Variants in NOTUM observed in about 807,000 individuals in gnomAD.
The protein encoded by NOTUM is palmitoleoyl-protein carboxylesterase NOTUM.
A neutral mutation model predicts 65.5 loss-of-function variants in NOTUM; 36 were observed. The observed-to-expected ratio is 0.55, with a 90% CI of 0.42 to 0.73. The LOEUF is 0.73. NOTUM is among the 30% of genes least tolerant of loss of function. The pLI is 0.00. For synonymous variants in NOTUM, 356 were observed against 297.9 expected (o/e 1.20, Z -2.01); for missense variants, 659 against 694.2 (o/e 0.95, Z 0.57).
intron 8 of NOTUM, among the ~76,000 whole-genome samples, chr17:81,955,899 C>T (rs952325247): frequency 6.8e-6 from 1 of 147,762 alleles, no homozygotes; most frequent in Non-Finnish European, 1.5e-5. Flanking sequence ...CAGAGCTCAG[C>T]ACCCCCAGGT....
intron 1 of NOTUM, 161 bp from the exon 2 acceptor site, chr17:81,959,853 G>T: frequency 3.8e-6 from 1 of 261,804 alleles, no homozygotes; most frequent in Non-Finnish European, 7.0e-6. Context: ...CAGGGACGGC[G>T]GCGGTCCCGG....
chr17:81,959,410 G>T, intron 3 of NOTUM, 61 bp downstream of exon 3: 2 of 1,302,304 alleles, frequency 1.5e-6, no homozygotes, highest in Non-Finnish European at 1.1e-6. Flanking sequence ...GCTCCAGGAG[G>T]CGGGCGCGGC....
chr17:81,959,611 G>C, intron 2 of NOTUM, 29 bp downstream of exon 2: 5 of 1,545,468 alleles, frequency 3.2e-6, no homozygotes, highest in Non-Finnish European at 4.4e-6. Context: ...CAGACCCCCG[G>C]CCTCCCCCCG....
At chr17:81,959,283 G>C (rs1354618350) in intron 3 of NOTUM, 188 bp downstream of exon 3, 1 of 614,982 alleles carries the variant, frequency 1.6e-6, no homozygotes, top group Non-Finnish European at 2.9e-6. Context: ...CGCTGGGTAA[G>C]CGCCTGAATG....
chr17:81,953,800 A>T (rs1218788634), intron 10 of NOTUM, among the ~76,000 whole-genome samples: 12 of 135,226 alleles, frequency 8.9e-5, no homozygotes, highest in East Asian at 2.3e-4. Context: ...TTTTTTTGAG[A>T]TGGAGTTTCA....
rs999009779 is a variant in NOTUM at position 81,960,947 on chromosome 17, C to A, written c.-38G>T. On this transcript the variant is annotated 5_prime_UTR_variant, in exon 1 of 11. Transcript: ENST00000409678. This position sits in a 1 kb window ranked among gnomAD's most constrained non-coding sequence, Gnocchi z 6.4. ...CTGCGGGGAGCGGGCGGCCTTGAGG[C>A]GGCGGCGGCGGCGGCGGGGGATGCC... is the stretch of plus-strand genomic sequence containing the variant. 2.9e-6 allele frequency: 3 copies of A among 1,025,454 alleles called. No homozygotes were observed. Among genetic ancestry groups the A allele is most frequent in the Non-Finnish European group, 3.6e-6 (3 of 822,736 alleles). 63.5% of individuals were successfully genotyped at this position (1,025,454 alleles called of 1,614,324 possible).
Position 81,960,576 on chromosome 17 carries a change from G to A in NOTUM, c.323+11C>T, listed in dbSNP as rs1567940043. ...CGGGCGGGGCGGGGAGGTGCAGGGC[G>A]CGGGCCTTACCCGGCGGGGCTGCCG... is the stretch of plus-strand genomic sequence containing the variant. On this transcript the variant is annotated intron_variant, in intron 1 of 10. Coordinates refer to ENST00000409678, the MANE Select transcript of NOTUM (RefSeq NM_178493.6). This position sits in a 1 kb window ranked among gnomAD's most constrained non-coding sequence, Gnocchi z 6.4. The A allele has an allele frequency of 4.7e-6, 7 of 1,478,904 alleles. No homozygotes were observed. Among genetic ancestry groups the A allele is most frequent in the Non-Finnish European group, 5.5e-6 (6 of 1,100,770 alleles). The allele number at this position is 1,478,904 out of a possible 1,614,324, so 91.6% of individuals were successfully genotyped here.
Position 81,956,957 on chromosome 17 carries a change from G to C in NOTUM, c.813C>G (p.Asn271Lys). 6.2e-7 allele frequency: 1 copy of C among 1,613,424 alleles called. No homozygotes were observed. The highest frequency in any genetic ancestry group is 1.3e-5 in the African/African-American group (1 of 75,044). The change falls in exon 7 of 11, where the codon AAC (asparagine) becomes AAG (lysine). Residue 271 changes from asparagine (N) to lysine (K), a missense_variant. Coordinates refer to ENST00000409678, the MANE Select transcript of NOTUM (RefSeq NM_178493.6). ...GLADSGWFLD[N>K]KQYRHTDCVD... Reference sequence around the variant, plus strand: ...CGCAGTCTGTGTGGCGATACTGCTTGTTGTCCAGGAACCAGCCGGAGTCAG... The same window carrying C: ...CGCAGTCTGTGTGGCGATACTGCTTCTTGTCCAGGAACCAGCCGGAGTCAG...
At position 81,952,950 on chromosome 17, in the gene NOTUM, A is replaced by C. The variant is rs559842685; in HGVS notation, c.*11T>G. On this transcript the variant is annotated 3_prime_UTR_variant, in exon 11 of 11. Transcript: ENST00000409678. The stretch of plus-strand genomic sequence containing the variant: ...GCCCCTCAGTGCCGGCTCCTCCTCC[A>C]GACAGTCTGCCTAGCTTCCGTTGCT... The C allele has an allele frequency of 1.9e-6, 3 of 1,612,010 alleles. No individual in the cohort carries two copies. The highest frequency in any genetic ancestry group is 2.2e-5 in the South Asian group (2 of 90,882).
intron 10 of NOTUM, among the ~76,000 whole-genome samples, 183 bp from the exon 11 acceptor site, chr17:81,953,450 C>T (rs545314668): frequency 4.0e-5 from 6 of 149,164 alleles, no homozygotes; most frequent in African/African-American, 1.5e-4. Flanking sequence ...CGTGTGCCAC[C>T]GAGACTGGCT....
rs2041472924 is a variant in NOTUM at position 81,960,980 on chromosome 17, G to C, written c.-71C>G. 8 of 857,548 alleles carry C rather than the reference G, an allele frequency of 9.3e-6. No individual in the cohort carries two copies. The highest frequency in any genetic ancestry group is 1.2e-5 in the Non-Finnish European group (8 of 674,536). 53.1% of individuals were successfully genotyped at this position (857,548 alleles called of 1,614,324 possible). On this transcript the variant is annotated 5_prime_UTR_variant, in exon 1 of 11. Coordinates refer to ENST00000409678, the MANE Select transcript of NOTUM (RefSeq NM_178493.6). The surrounding 1 kb of genome is among the most constrained non-coding windows in gnomAD (Gnocchi z 6.4). ...GCGGCGGCGGGGGATGCCGGGCCGG[G>C]GGTGCCGGGCCGGGGGTGTCGGGGG...
At chr17:81,957,940 G>C (rs376866406) in intron 5 of NOTUM, 32 bp from the exon 6 acceptor site, 2 of 1,492,444 alleles carry the variant, frequency 1.3e-6, no homozygotes, top group Non-Finnish European at 1.8e-6. Flanking sequence ...CTCAGGTAGG[G>C]GCCTGGACAG....
In NOTUM at chr17:81,960,534, C is replaced by T; in HGVS notation, c.323+53G>A. 2.3e-6 allele frequency: 3 copies of T among 1,296,266 alleles called. No homozygotes were observed. Among genetic ancestry groups the T allele is most frequent in the Non-Finnish European group, 3.1e-6 (3 of 966,714 alleles). 80.3% of individuals were successfully genotyped at this position (1,296,266 alleles called of 1,614,324 possible). The stretch of plus-strand genomic sequence containing the variant: ...GCCGCGGCCCGCAGGGAAGGTCCAG[C>T]CGGAGACCGGGCGCGTCGGGCGGGG... On this transcript the variant is annotated intron_variant, in intron 1 of 10. Coordinates refer to ENST00000409678, the MANE Select transcript of NOTUM (RefSeq NM_178493.6). The surrounding 1 kb of genome is among the most constrained non-coding windows in gnomAD (Gnocchi z 6.4).
In NOTUM at chr17:81,955,604, G is replaced by A. The variant is rs1305811306; in HGVS notation, c.989-60C>T. 4 of 1,446,910 alleles carry A rather than the reference G, an allele frequency of 2.8e-6. No individual in the cohort carries two copies. In the East Asian group the frequency reaches 1.0e-4, roughly 36 times the overall value. The allele number at this position is 1,446,910 out of a possible 1,614,324, so 89.6% of individuals were successfully genotyped here. A position where few individuals can be genotyped will look rare whatever the true frequency, so the allele number is the denominator to read the frequency against. ...ACCCCCGCTGCTGCCCCCACCCCAG[G>A]CTCACAGCTCAGCACCCCCAGGCCC... On this transcript the variant is annotated intron_variant, in intron 8 of 10. Coordinates refer to ENST00000409678, the MANE Select transcript of NOTUM (RefSeq NM_178493.6).
chr17:81,952,914 C>T lies in NOTUM; in HGVS notation c.*47G>A, dbSNP rs368662455. 2.4e-5 allele frequency: 37 copies of T among 1,538,726 alleles called. No homozygotes were observed. Among genetic ancestry groups the T allele is most frequent in the African/African-American group, 1.5e-4 (11 of 73,622 alleles). On this transcript the variant is annotated 3_prime_UTR_variant, in exon 11 of 11. Coordinates refer to ENST00000409678, the MANE Select transcript of NOTUM (RefSeq NM_178493.6). The stretch of plus-strand genomic sequence containing the variant: ...GGGGGGTGAGGTGGCACTGGGGCAG[C>T]GGGTGTCTGGGCCCCTCAGTGCCGG...
chr17:81,957,132 G>T (rs1161685511), intron 6 of NOTUM, 58 bp from the exon 7 acceptor site: 1 of 1,454,960 alleles, frequency 6.9e-7, no homozygotes, highest in African/African-American at 1.4e-5. Context: ...CACCTCCCCC[G>T]AGTCTGCTCA....
chr17:81,956,977 A>G lies in NOTUM; in HGVS notation c.793T>C (p.Ser265Pro). Residue 265 changes from serine to proline, a missense_variant, in exon 7 of 11, where the codon TCC (serine) becomes CCC (proline). By Grantham distance (74) the Ser-to-Pro change is moderately conservative. Transcript: ENST00000409678. ...PAIQVRGLADSGWFLDNKQYR... is the reference protein window; with the variant it reads ...PAIQVRGLADPGWFLDNKQYR... ...TGCTTGTTGTCCAGGAACCAGCCGGAGTCAGCCAGGCCTCGCACCTGGATG... is the reference window on the plus strand; with the variant it reads ...TGCTTGTTGTCCAGGAACCAGCCGGGGTCAGCCAGGCCTCGCACCTGGATG... 6.2e-7 allele frequency: 1 copy of G among 1,613,366 alleles called. No individual in the cohort carries two copies. The highest frequency in any genetic ancestry group is 8.5e-7 in the Non-Finnish European group (1 of 1,179,926).
intron 3 of NOTUM, 90 bp downstream of exon 3, chr17:81,959,381 G>A: frequency 1.0e-6 from 1 of 995,380 alleles, no homozygotes; most frequent in South Asian, 1.5e-5. Flanking sequence ...ATGATGTGCG[G>A]GGTGGGGGCC....
chr17:81,956,804 C>G, intron 7 of NOTUM, 54 bp from the exon 8 acceptor site: 2 of 1,591,618 alleles, frequency 1.3e-6, no homozygotes, highest in Non-Finnish European at 1.7e-6. Flanking sequence ...CCGGGGCTCC[C>G]CACCCACAGA....
Sources: gnomAD v4.1 joint callset for allele counts (sites outside exome capture counted in the v4.1 genomes callset) on GRCh38, gnomAD v4.1.1 for gene constraint, Gnocchi (gnomAD v3.1) non-coding constraint, MANE v1.5 for transcripts, NCBI Gene and HGNC (gene_info 2026-07-23, HGNC 2026-07-21) for gene names.